Variants in TGM6 observed in about 807,000 individuals in gnomAD.
TGM6 encodes the protein transglutaminase 6.
A neutral mutation model predicts 77.5 loss-of-function variants in TGM6; 74 were observed. That is an observed-to-expected ratio of 0.96 (90% CI 0.79 to 1.16). TGM6 has a LOEUF of 1.16. Ranked by LOEUF, TGM6 falls within the 50% of genes most tolerant of loss-of-function variation. The pLI, the probability that TGM6 is intolerant of heterozygous loss-of-function variation, is 0.00. For missense variants in TGM6, 968 were observed against 940.2 expected (o/e 1.03, Z -0.39); for synonymous variants, 383 against 378.9 (o/e 1.01, Z -0.12).
intron 1 of TGM6, among the ~76,000 whole-genome samples, chr20:2,391,316 AAGGAG>A (rs1568654092): frequency 6.6e-6 from 1 of 152,182 alleles, no homozygotes; most frequent in Non-Finnish European, 1.5e-5. Flanking sequence ...TGATTGGACA[AAGGAG>A]AGATGAACTC....
At chr20:2,400,905 G>A (rs1288702922) in intron 7 of TGM6, among the ~76,000 whole-genome samples, 1 of 152,144 alleles carries the variant, frequency 6.6e-6, no homozygotes, top group African/African-American at 2.4e-5. Context: ...CAGGCACGGT[G>A]GCTCACACCT....
At chr20:2,400,569 G>T in intron 7 of TGM6, 125 bp downstream of exon 7, 1 of 1,406,416 alleles carries the variant, frequency 7.1e-7, no homozygotes. Flanking sequence ...AATCTGAGCC[G>T]GCTCTGGAGG....
At chr20:2,406,942 T>A (rs917632009) in intron 9 of TGM6, among the ~76,000 whole-genome samples, 1 of 149,942 alleles carries the variant, frequency 6.7e-6, no homozygotes, top group Non-Finnish European at 1.5e-5. Context: ...GCGCTGGCTG[T>A]GGGCTGGCCA....
intron 7 of TGM6, among the ~76,000 whole-genome samples, chr20:2,401,317 C>T (rs931878841): frequency 6.6e-6 from 1 of 152,148 alleles, no homozygotes; most frequent in Admixed American, 6.6e-5. Context: ...GTCTCCCTCC[C>T]GCCCAGTTCC....
intron 10 of TGM6, among the ~76,000 whole-genome samples, chr20:2,426,186 T>C (rs1030535227): frequency 6.6e-6 from 1 of 152,184 alleles, no homozygotes; most frequent in African/African-American, 2.4e-5. Flanking sequence ...TCATCAGAGT[T>C]TTACAGTTCT....
At chr20:2,422,455 G>T (rs1179156221) in intron 10 of TGM6, among the ~76,000 whole-genome samples, 1 of 152,062 alleles carries the variant, frequency 6.6e-6, no homozygotes, top group Non-Finnish European at 1.5e-5. Flanking sequence ...TTGCAGGTTT[G>T]GTTCCAGACA....
Position 2,417,232 on chromosome 20 carries a change from G to C in TGM6, c.1337G>C (p.Gly446Ala). ...GCTGACGTTGTGTGATGCCCTGCAG[G>C]GTCCCGGAAAGAGAGGCAGGTGTAC... is the stretch of plus-strand genomic sequence containing the variant. ...DITDLYKYPE[G>A]SRKERQVYSK... Residue 446 changes from glycine to alanine, a missense_variant and splice_region_variant, in exon 10 of 13, where the codon GGG becomes GCG. Physicochemically the swap from Gly to Ala is moderately conservative, Grantham distance 60. Coordinates refer to ENST00000202625, the MANE Select transcript of TGM6 (RefSeq NM_198994.3). 3 of 1,597,264 alleles carry C rather than the reference G, an allele frequency of 1.9e-6. No individual in the cohort carries two copies. The highest frequency in any genetic ancestry group is 2.6e-6 in the Non-Finnish European group (3 of 1,172,030).
At chr20:2,402,579 A>G (rs2084718849) in intron 7 of TGM6, among the ~76,000 whole-genome samples, 1 of 152,216 alleles carries the variant, frequency 6.6e-6, no homozygotes, top group Non-Finnish European at 1.5e-5. Context: ...TAATCAACAT[A>G]CTTTCCCCAA....
intron 2 of TGM6, 128 bp from the exon 3 acceptor site, chr20:2,395,066 C>T (rs1599947851): frequency 2.1e-6 from 3 of 1,462,198 alleles, no homozygotes; most frequent in East Asian, 2.4e-5. Context: ...TTTGTCAGGT[C>T]CTTCTCCCAA....
chr20:2,394,690 A>G, intron 2 of TGM6, 65 bp downstream of exon 2: 1 of 1,502,784 alleles, frequency 6.7e-7, no homozygotes, highest in Non-Finnish European at 9.1e-7. Context: ...ATGACTCAGT[A>G]ACATAAGACC....
At position 2,417,259 on chromosome 20, in the gene TGM6, G is replaced by A. The variant is rs201030049; in HGVS notation, c.1364G>A (p.Ser455Asn). 3.7e-6 allele frequency: 6 copies of A among 1,606,346 alleles called. No individual in the cohort carries two copies. The East Asian group carries it at 9.0e-5, about 24-fold the overall frequency. Residue 455 changes from serine to asparagine, a missense_variant, in exon 10 of 13, where the codon AGC becomes AAC. Transcript: ENST00000202625. ...TCCCGGAAAGAGAGGCAGGTGTACAGCAAGGCGGTGAACAGGCTGTTCGGC... is the reference window on the plus strand; with the variant it reads ...TCCCGGAAAGAGAGGCAGGTGTACAACAAGGCGGTGAACAGGCTGTTCGGC... Reference protein sequence around the residue: ...EGSRKERQVYSKAVNRLFGVE... With the variant: ...EGSRKERQVYNKAVNRLFGVE...
rs368369881 is a variant in TGM6, at chr20:2,417,495, G to A, written c.1600G>A (p.Ala534Thr). The A allele has an allele frequency of 8.1e-6, 13 of 1,608,356 alleles. 1 individual carries two copies. The highest frequency in any genetic ancestry group is 1.7e-5 in the Admixed American group (1 of 59,960). The change falls in exon 10 of 13, where the codon GCC (alanine) becomes ACC (threonine). Residue 534 changes from alanine to threonine, a missense_variant. By Grantham distance (58) the Ala-to-Thr change is moderately conservative (BLOSUM62 0). Transcript: ENST00000202625. Reference sequence around the variant, plus strand: ...GCGGGTGAGGGTCAACCTGAGCGGTGCCACCATCCTCTATACCCGCAAGCC... The same window carrying A: ...GCGGGTGAGGGTCAACCTGAGCGGTACCACCATCCTCTATACCCGCAAGCC... ...AQRVRVNLSG[A>T]TILYTRKPVA...
At chr20:2,432,414 A>G in intron 12 of TGM6, 76 bp from the exon 13 acceptor site, 1 of 1,572,206 alleles carries the variant, frequency 6.4e-7, no homozygotes, top group Admixed American at 1.7e-5. Context: ...GAGCCTGGGG[A>G]GCCGTGGATT....
At chr20:2,428,888 A>G (rs961765090) in intron 10 of TGM6, among the ~76,000 whole-genome samples, 2 of 152,120 alleles carry the variant, frequency 1.3e-5, no homozygotes, top group Non-Finnish European at 2.9e-5. Context: ...CAGTGGCGCA[A>G]TCTCAGCTCA....
In TGM6 at chr20:2,400,738, G is replaced by C. The variant is rs1378887692; in HGVS notation, c.989+294G>C. Reference sequence around the variant, plus strand: ...AATCTGTGGCTTCCTGGGGTGGGGTGGGGTGGGAACTCCTTCTGCACAGGT... The same window carrying C: ...AATCTGTGGCTTCCTGGGGTGGGGTCGGGTGGGAACTCCTTCTGCACAGGT... On this transcript the variant is annotated intron_variant, in intron 7 of 12. Transcript: ENST00000202625. Among the ~76,000 whole-genome samples, 6 of 151,944 alleles carry C rather than the reference G, an allele frequency of 3.9e-5. No individual in the cohort carries two copies. In the East Asian group the frequency reaches 1.2e-3, roughly 29 times the overall value.
Position 2,380,911 on chromosome 20 carries a change from G to A in TGM6, c.-58G>A. On this transcript the variant is annotated 5_prime_UTR_variant, in exon 1 of 13. Coordinates refer to ENST00000202625, the MANE Select transcript of TGM6 (RefSeq NM_198994.3). ...GCTGGCTGCTGTGACGCGCCACACT[G>A]TCCTGACGGTGCACACACTGCTGTG... 6.3e-7 allele frequency: 1 copy of A among 1,594,470 alleles called. No individual in the cohort carries two copies. The highest frequency in any genetic ancestry group is 1.1e-5 in the South Asian group (1 of 87,238).
intron 1 of TGM6, 112 bp downstream of exon 1, chr20:2,381,087 G>A: frequency 1.4e-6 from 2 of 1,458,452 alleles, no homozygotes; most frequent in Non-Finnish European, 9.4e-7. Flanking sequence ...TTTTACAGCT[G>A]GATAGTCCAC....
chr20:2,406,831 CAAAAAAAAAAAAAAAAAAAAA>C (rs3050731), intron 9 of TGM6, among the ~76,000 whole-genome samples: 5 of 63,688 alleles, frequency 7.9e-5, no homozygotes, highest in Admixed American at 3.0e-4. Context: ...CGAAACTCCT[CAAAAAAAAAAAAAAAAAAAAA>C]AAAAAAAAAA....
intron 9 of TGM6, 46 bp from the exon 10 acceptor site, chr20:2,417,186 A>G: frequency 6.5e-7 from 1 of 1,537,918 alleles, no homozygotes; most frequent in Non-Finnish European, 8.8e-7. Context: ...AGTAAATTAA[A>G]GGAGCAAGGG....
Sources: gnomAD v4.1 joint callset for allele counts (sites outside exome capture counted in the v4.1 genomes callset) on GRCh38, gnomAD v4.1.1 for gene constraint, MANE v1.5 for transcripts, NCBI Gene and HGNC (gene_info 2026-07-23, HGNC 2026-07-21) for gene names.